Variants in FMO1 observed in about 807,000 individuals in gnomAD.
FMO1 encodes flavin containing dimethylaniline monoxygenase 1.
FMO1 carries 36 observed loss-of-function variants against 45.4 expected under a neutral mutation model. The observed-to-expected ratio is 0.79, with a 90% confidence interval of 0.61 to 1.05. FMO1 has a LOEUF of 1.05. FMO1 is among the 50% of genes least tolerant of loss of function. The probability of loss-of-function intolerance (pLI) is 0.00; values close to 1 mark genes in which losing one functional copy is unlikely to be tolerated. For synonymous variants in FMO1, 228 were observed against 227.2 expected (o/e 1.00, Z -0.03); for missense variants, 615 against 640.3 (o/e 0.96, Z 0.43).
intron 3 of FMO1, chr1:171,270,697 G>A: frequency 9.3e-7 from 1 of 1,071,276 alleles, no homozygotes; most frequent in Non-Finnish European, 1.1e-6. Flanking sequence ...ACAAGAACAT[G>A]CTTTAAATTT....
intron 2 of FMO1, among the ~76,000 whole-genome samples, chr1:171,266,415 T>C (rs1660620983): frequency 6.6e-6 from 1 of 152,242 alleles, no homozygotes; most frequent in Admixed American, 6.5e-5. Context: ...TCCAGCTGAA[T>C]AAAATATCAA....
At chr1:171,265,398 GAAAAATA>G (rs1660575724) in intron 2 of FMO1, among the ~76,000 whole-genome samples, 48 of 102,152 alleles carry the variant, frequency 4.7e-4, no homozygotes, top group African/African-American at 2.1e-3. Flanking sequence ...CTCAAAAAAA[GAAAAATA>G]AAAAAGAAAA....
At chr1:171,273,443 CT>C (rs1660959018) in intron 3 of FMO1, among the ~76,000 whole-genome samples, 1 of 152,146 alleles carries the variant, frequency 6.6e-6, no homozygotes, top group African/African-American at 2.4e-5. Flanking sequence ...TAAAAATCTT[CT>C]TTTTAATGCA....
In FMO1 at chr1:171,278,725, A is replaced by C; in HGVS notation, c.485-4A>C. On this transcript the variant is annotated splice_region_variant and splice_polypyrimidine_tract_variant and intron_variant, in intron 4 of 8. Coordinates refer to ENST00000617670, the MANE Select transcript of FMO1 (RefSeq NM_001282693.2). ...CTGTGTGACTTCTCTTTTATTTTCTATAGGTATTAATGCCTTTAAAGGCCA... is the reference window on the plus strand; with the variant it reads ...CTGTGTGACTTCTCTTTTATTTTCTCTAGGTATTAATGCCTTTAAAGGCCA... 1 of 1,566,360 alleles carries C rather than the reference A, an allele frequency of 6.4e-7. No individual in the cohort carries two copies. Among genetic ancestry groups the C allele is most frequent in the Non-Finnish European group, 8.7e-7 (1 of 1,149,834 alleles).
chr1:171,264,927 C>T (rs1376255995), intron 2 of FMO1, among the ~76,000 whole-genome samples: 1 of 150,984 alleles, frequency 6.6e-6, no homozygotes. Context: ...AAGAAATGCA[C>T]AATCTCAGGC....
intron 3 of FMO1, among the ~76,000 whole-genome samples, chr1:171,273,818 C>G (rs1191398417): frequency 1.3e-5 from 2 of 152,146 alleles, no homozygotes; most frequent in Non-Finnish European, 2.9e-5. Context: ...TTGCCAGGCA[C>G]AAGGCCATTT....
Position 171,271,443 on chromosome 1 carries a change from C to T in FMO1, c.321+3712C>T, listed in dbSNP as rs1400891844. 1.1e-5 allele frequency: 11 copies of T among 995,090 alleles called. No homozygotes were observed. The Admixed American group carries it at 1.4e-4, about 12-fold the overall frequency. The allele number at this position is 995,090 out of a possible 1,614,324, so 61.6% of individuals were successfully genotyped here. On this transcript the variant is annotated intron_variant, in intron 3 of 8. Transcript: ENST00000617670. ...TTTCTCTTTAGCAGACATGGTCTTCCACCTCTCTGAGCCTTTCTTAGAAAA... is the reference window on the plus strand; with the variant it reads ...TTTCTCTTTAGCAGACATGGTCTTCTACCTCTCTGAGCCTTTCTTAGAAAA...
chr1:171,282,200 C>A lies in FMO1; in HGVS notation c.1050C>A (p.Ala350=), dbSNP rs866459843. Residue 350 remains alanine, a synonymous_variant, in exon 7 of 9, where the codon GCC becomes GCA. Coordinates refer to ENST00000617670, the MANE Select transcript of FMO1 (RefSeq NM_001282693.2). Reference sequence around the variant, plus strand: ...TAGTGAAAGTTGAAGATGGCCAGGCCTCACTGTACAAGTATATCTTCCCTG... The same window carrying A: ...TAGTGAAAGTTGAAGATGGCCAGGCATCACTGTACAAGTATATCTTCCCTG... The part of the protein sequence containing the change: ...ESVVKVEDGQ[A]SLYKYIFPAH... 2 of 1,614,002 alleles carry A rather than the reference C, an allele frequency of 1.2e-6. No homozygotes were observed. The highest frequency in any genetic ancestry group is 1.7e-4 in the Middle Eastern group (1 of 6,060).
At chr1:171,260,696 C>G (rs188143019) in intron 2 of FMO1, among the ~76,000 whole-genome samples, 1 of 151,612 alleles carries the variant, frequency 6.6e-6, no homozygotes, top group Non-Finnish European at 1.5e-5. Flanking sequence ...TTTGGAAGGC[C>G]GAGGTGGACA....
Position 171,282,137 on chromosome 1 carries a change from T to C in FMO1, c.987T>C (p.Thr329=), listed in dbSNP as rs1283089444. ...CTATTGACATCATTGTCTTTGCCAC[T>C]GGATACACATTTGCTTTCCCCTTCC... ...EEPIDIIVFA[T]GYTFAFPFLD... The change falls in exon 7 of 9, where the codon ACT becomes ACC. Residue 329 remains threonine, a synonymous_variant. Coordinates refer to ENST00000617670, the MANE Select transcript of FMO1 (RefSeq NM_001282693.2). The C allele has an allele frequency of 6.2e-7, 1 of 1,614,036 alleles. No homozygotes were observed.
intron 3 of FMO1, chr1:171,271,413 T>C (rs558105998): frequency 1.9e-6 from 2 of 1,071,324 alleles, no homozygotes; most frequent in South Asian, 2.5e-5. Context: ...ATCTTCAAAT[T>C]GTCCTTTCTC....
intron 3 of FMO1, chr1:171,271,660 G>A: frequency 1.5e-6 from 1 of 688,782 alleles, no homozygotes; most frequent in Non-Finnish European, 2.6e-6. Flanking sequence ...CCCCAGTGCT[G>A]TCTCTATGGA....
In FMO1 at chr1:171,280,957, G is replaced by T. The variant is rs770184448; in HGVS notation, c.799G>T (p.Ala267Ser). The change falls in exon 6 of 9, where the codon GCA becomes TCA. Residue 267 changes from alanine (A) to serine (S), a missense_variant. By Grantham distance (99) the Ala-to-Ser change is moderately conservative. Coordinates refer to ENST00000617670, the MANE Select transcript of FMO1 (RefSeq NM_001282693.2). ...ERKINNWLNH[A>S]NYGLIPEDRT... ...AAAGATAAACAACTGGCTCAATCAT[G>T]CAAATTACGGCTTAATACCAGAAGA... 5 of 1,613,812 alleles carry T rather than the reference G, an allele frequency of 3.1e-6. No individual in the cohort carries two copies. The Admixed American group carries it at 8.3e-5, about 27-fold the overall frequency.
At position 171,282,087 on chromosome 1, in the gene FMO1, T is replaced by C; in HGVS notation, c.937T>C (p.Phe313Leu). Residue 313 changes from phenylalanine to leucine, a missense_variant, in exon 7 of 9, where the codon TTT (phenylalanine) becomes CTT (leucine). Coordinates refer to ENST00000617670, the MANE Select transcript of FMO1 (RefSeq NM_001282693.2). ...IKEVKENSVI[F>L]NNTSKEEPID... ...AGAGGTAAAGGAAAACTCTGTCATATTTAACAATACTTCAAAGGAAGAGCC... is the reference window on the plus strand; with the variant it reads ...AGAGGTAAAGGAAAACTCTGTCATACTTAACAATACTTCAAAGGAAGAGCC... 1 of 1,613,924 alleles carries C rather than the reference T, an allele frequency of 6.2e-7. No homozygotes were observed. The highest frequency in any genetic ancestry group is 8.5e-7 in the Non-Finnish European group (1 of 1,179,838).
At chr1:171,251,194 T>A (rs914495669) in intron 1 of FMO1, among the ~76,000 whole-genome samples, 1 of 152,194 alleles carries the variant, frequency 6.6e-6, no homozygotes, top group Non-Finnish European at 1.5e-5. Flanking sequence ...CCTCTAACGG[T>A]GTTGACTCAA....
intron 8 of FMO1, among the ~76,000 whole-genome samples, chr1:171,284,195 CA>C (rs759945099): frequency 6.7e-5 from 9 of 133,440 alleles, no homozygotes; most frequent in Non-Finnish European, 1.3e-4. Context: ...AAACAAAAAA[CA>C]GCAAGTTTTA....
At chr1:171,280,555 C>T (rs958455136) in intron 5 of FMO1, among the ~76,000 whole-genome samples, 2 of 152,094 alleles carry the variant, frequency 1.3e-5, no homozygotes, top group South Asian at 2.1e-4. Context: ...AATAAGTATT[C>T]AATAATATGT....
intron 2 of FMO1, among the ~76,000 whole-genome samples, chr1:171,262,209 C>T (rs1412276333): frequency 6.6e-6 from 1 of 152,102 alleles, no homozygotes; most frequent in African/African-American, 2.4e-5. Context: ...CCGAGGTGGA[C>T]AGATCACCTG....
chr1:171,248,774 T>C (rs909296213), intron 1 of FMO1, among the ~76,000 whole-genome samples, 151 bp downstream of exon 1: 3 of 151,954 alleles, frequency 2.0e-5, no homozygotes, highest in Admixed American at 1.3e-4. Context: ...AGCTACTCCT[T>C]GGCCCAAAGT....
Sources: gnomAD v4.1 joint callset for allele counts (sites outside exome capture counted in the v4.1 genomes callset) on GRCh38, gnomAD v4.1.1 for gene constraint, MANE v1.5 for transcripts, NCBI Gene and HGNC (gene_info 2026-07-23, HGNC 2026-07-21) for gene names.